Variants in SCEL observed in about 807,000 individuals in gnomAD.
SCEL encodes the protein sciellin.
Under a neutral mutation model 117.6 loss-of-function variants are expected in SCEL, and 113 were observed. The observed-to-expected ratio is 0.96, with a 90% CI of 0.83 to 1.12. The LOEUF is 1.12. SCEL is among the 50% of genes most tolerant of loss of function. The probability of loss-of-function intolerance (pLI) is 0.00; values close to 1 mark genes in which losing one functional copy is unlikely to be tolerated. For missense variants in SCEL, 785 were observed against 810.8 expected (o/e 0.97, Z 0.39); for synonymous variants, 270 against 256.2 (o/e 1.05, Z -0.51).
intron 28 of SCEL, among the ~76,000 whole-genome samples, chr13:77,632,145 T>C (rs1312559404): frequency 6.6e-6 from 1 of 152,248 alleles, no homozygotes; most frequent in Non-Finnish European, 1.5e-5. Context: ...TCTCCTAATA[T>C]AGTCACATTG....
At chr13:77,642,532 C>T (rs953695348) in intron 31 of SCEL, among the ~76,000 whole-genome samples, 174 bp from the exon 32 acceptor site, 1 of 152,082 alleles carries the variant, frequency 6.6e-6, no homozygotes, top group Non-Finnish European at 1.5e-5. Flanking sequence ...TCATCTTGTC[C>T]TTGGCATAAA....
intron 27 of SCEL, among the ~76,000 whole-genome samples, chr13:77,618,606 G>T (rs901410393): frequency 2.0e-5 from 3 of 152,068 alleles, no homozygotes; most frequent in African/African-American, 7.2e-5. Flanking sequence ...CTGTCAACAA[G>T]GAAACAAGGA....
At chr13:77,619,922 G>T (rs941878029) in intron 27 of SCEL, among the ~76,000 whole-genome samples, 2 of 151,964 alleles carry the variant, frequency 1.3e-5, no homozygotes, top group Non-Finnish European at 2.9e-5. Context: ...GTTGACAATG[G>T]TAACTTTCTC....
chr13:77,640,949 C>T (rs749409143), intron 31 of SCEL, among the ~76,000 whole-genome samples, 165 bp downstream of exon 31: 14 of 152,088 alleles, frequency 9.2e-5, no homozygotes, highest in Non-Finnish European at 1.5e-4. Flanking sequence ...CAGCCTAAAC[C>T]TCAAATGTTT....
intron 1 of SCEL, among the ~76,000 whole-genome samples, chr13:77,547,736 CA>C (rs2084073217): frequency 6.6e-6 from 1 of 152,214 alleles, no homozygotes; most frequent in African/African-American, 2.4e-5. Context: ...CTGATATTTT[CA>C]TGCCTTTGTT....
chr13:77,619,531 C>G (rs565667901), intron 27 of SCEL, among the ~76,000 whole-genome samples: 1 of 152,276 alleles, frequency 6.6e-6, no homozygotes, highest in Non-Finnish European at 1.5e-5. Flanking sequence ...TCCCTATGCT[C>G]CTCTTCTGCT....
At chr13:77,635,349 A>G (rs1236087610) in intron 29 of SCEL, among the ~76,000 whole-genome samples, 1 of 152,230 alleles carries the variant, frequency 6.6e-6, no homozygotes, top group Non-Finnish European at 1.5e-5. Context: ...AAATTTTAAA[A>G]CACTAAGGAG....
At chr13:77,614,708 G>C (rs1030805320) in intron 24 of SCEL, among the ~76,000 whole-genome samples, 1 of 152,128 alleles carries the variant, frequency 6.6e-6, no homozygotes, top group Admixed American at 6.6e-5. Flanking sequence ...CAATGTTCCA[G>C]ATGAATCTAT....
At chr13:77,607,970 T>G (rs2088343812) in intron 19 of SCEL, 86 bp from the exon 20 acceptor site, 1 of 1,079,120 alleles carries the variant, frequency 9.3e-7, no homozygotes, top group Admixed American at 2.2e-5. Flanking sequence ...TGCTTCTGAG[T>G]TTTAATGAAA....
chr13:77,553,344 C>T (rs914983107), intron 1 of SCEL, among the ~76,000 whole-genome samples: 2 of 152,118 alleles, frequency 1.3e-5, no homozygotes, highest in African/African-American at 4.8e-5. Context: ...ACTGTCTCTG[C>T]AGATGTATCA....
intron 11 of SCEL, among the ~76,000 whole-genome samples, chr13:77,593,242 G>A (rs2086979110): frequency 2.1e-5 from 3 of 145,678 alleles, no homozygotes; most frequent in South Asian, 4.3e-4. Flanking sequence ...CAACACCCAG[G>A]TGGAATAACA....
chr13:77,638,091 TAG>T (rs1424003372), intron 30 of SCEL, among the ~76,000 whole-genome samples: 1 of 152,188 alleles, frequency 6.6e-6, no homozygotes, highest in Non-Finnish European at 1.5e-5. Context: ...TCACTCAAGG[TAG>T]AGATATTTTA....
At chr13:77,551,860 A>C in intron 1 of SCEL, among the ~76,000 whole-genome samples, 3 of 97,838 alleles carry the variant, frequency 3.1e-5, no homozygotes, top group East Asian at 3.8e-4. Flanking sequence ...CCACCCCACA[A>C]CAGTCCCCAG....
chr13:77,571,685 G>A (rs1211582579), intron 8 of SCEL, among the ~76,000 whole-genome samples: 2 of 144,494 alleles, frequency 1.4e-5, no homozygotes, highest in South Asian at 2.2e-4. Context: ...GCGAAACTCC[G>A]TCTCAAAAAT....
intron 11 of SCEL, among the ~76,000 whole-genome samples, chr13:77,591,768 T>C (rs2086887031): frequency 6.6e-6 from 1 of 152,186 alleles, no homozygotes; most frequent in South Asian, 2.1e-4. Context: ...AGGTCTATGA[T>C]ATAGTTGGTG....
intron 28 of SCEL, among the ~76,000 whole-genome samples, chr13:77,630,211 C>G (rs977548987): frequency 6.6e-6 from 1 of 152,008 alleles, no homozygotes; most frequent in Non-Finnish European, 1.5e-5. Flanking sequence ...GCTTCTGAGG[C>G]TTTCATTTTG....
Position 77,608,226 on chromosome 13 carries a change from C to T in SCEL, c.1217+111C>T, listed in dbSNP as rs1242618216. 1.7e-5 allele frequency: 12 copies of T among 697,968 alleles called. No homozygotes were observed. In the Admixed American group the frequency reaches 3.3e-4, roughly 19 times the overall value. 43.2% of individuals were successfully genotyped at this position (697,968 alleles called of 1,614,324 possible). On this transcript the variant is annotated intron_variant, in intron 20 of 32. Coordinates refer to ENST00000349847, the MANE Select transcript of SCEL (RefSeq NM_144777.3). ...GATTGGGATCAGAAAGGCTGAACCC[C>T]ATTACTTACCAGCTTGGTGTCTTTG...
intron 1 of SCEL, among the ~76,000 whole-genome samples, chr13:77,544,814 C>T (rs557977332): frequency 1.3e-5 from 2 of 152,254 alleles, no homozygotes; most frequent in African/African-American, 4.8e-5. Flanking sequence ...AAAAGAGCTA[C>T]GAAAGTTGAT....
In SCEL at chr13:77,634,601, A is replaced by G. The variant is rs139791536; in HGVS notation, c.1763+151A>G. ...GAGTTCTATATATATATAATTCTCT[A>G]TAATGTTTCTGATATTATGTACTTG... On this transcript the variant is annotated intron_variant, in intron 29 of 32. Coordinates refer to ENST00000349847, the MANE Select transcript of SCEL (RefSeq NM_144777.3). 9.5e-4 allele frequency: 491 copies of G among 517,986 alleles called. 2 individuals carry two copies. Among genetic ancestry groups the G allele is most frequent in the African/African-American group, 8.3e-3 (440 of 52,830 alleles). 32.1% of individuals were successfully genotyped at this position (517,986 alleles called of 1,614,324 possible). A position where few individuals can be genotyped will look rare whatever the true frequency, so the allele number is the denominator to read the frequency against.
Sources: gnomAD v4.1 joint callset for allele counts (sites outside exome capture counted in the v4.1 genomes callset) on GRCh38, gnomAD v4.1.1 for gene constraint, MANE v1.5 for transcripts, NCBI Gene and HGNC (gene_info 2026-07-23, HGNC 2026-07-21) for gene names.